Variants in ANO3 observed in about 807,000 individuals in gnomAD.
ANO3 encodes anoctamin 3.
In ANO3, 99 loss-of-function variants were observed where a neutral mutation model predicts 144.8. The ratio of observed to expected loss-of-function variants is 0.68; its 90% CI spans 0.58 to 0.81. The LOEUF is 0.81. Ranked by LOEUF, ANO3 falls within the 30% of genes least tolerant of loss-of-function variation. ANO3 has a pLI of 0.00. For synonymous variants in ANO3, 414 were observed against 392.6 expected (o/e 1.05, Z -0.64); for missense variants, 905 against 1,202.2 (o/e 0.75, Z 3.66).
chr11:26,328,363 A>G (rs1446883196), upstream of ANO3, among the ~76,000 whole-genome samples: 1 of 152,176 alleles, frequency 6.6e-6, no homozygotes, highest in Non-Finnish European at 1.5e-5. Flanking sequence ...ACGGAGAGAA[A>G]CTAGAAGCAG....
At chr11:26,318,675 A>G (rs982246754) in intron 1 of ANO3, among the ~76,000 whole-genome samples, 2 of 152,202 alleles carry the variant, frequency 1.3e-5, no homozygotes, top group African/African-American at 2.4e-5. Flanking sequence ...TGACACATCA[A>G]CTGGTCCTTG....
intron 9 of ANO3, 115 bp downstream of exon 9, chr11:26,534,677 C>A: frequency 1.6e-6 from 1 of 640,682 alleles, no homozygotes; most frequent in Non-Finnish European, 2.7e-6. Flanking sequence ...ATGTGTATAA[C>A]ATATTGAACA....
At chr11:26,295,791 C>G (rs958074094) in intron 1 of ANO3, among the ~76,000 whole-genome samples, 10 of 152,216 alleles carry the variant, frequency 6.6e-5, no homozygotes, top group Non-Finnish European at 1.3e-4. Context: ...GGAAATAAAT[C>G]TAAGAAAACA....
intron 1 of ANO3, among the ~76,000 whole-genome samples, chr11:26,281,922 A>G (rs1277675319): frequency 3.9e-5 from 6 of 152,176 alleles, no homozygotes; most frequent in Admixed American, 3.3e-4. Flanking sequence ...GAAGACATGC[A>G]GTTCGTCTAT....
intron 14 of ANO3, among the ~76,000 whole-genome samples, chr11:26,590,595 C>A (rs1202728994): frequency 1.3e-5 from 2 of 152,158 alleles, no homozygotes; most frequent in African/African-American, 2.4e-5. Flanking sequence ...GTGGTGAGTG[C>A]TATAGCTCTA....
At position 26,525,712 on chromosome 11, in the gene ANO3, A is replaced by G. The variant is rs754228082; in HGVS notation, c.737+33A>G. 12 of 1,570,404 alleles carry G rather than the reference A, an allele frequency of 7.6e-6. No homozygotes were observed. The Admixed American group carries it at 2.0e-4, about 26-fold the overall frequency. On this transcript the variant is annotated intron_variant, in intron 7 of 26. Transcript: ENST00000256737. ...GGTGATGAATCATTTCTTTATAACAAATTTGTCGTTTTGAAAAAAATAAGA... is the reference window on the plus strand; with the variant it reads ...GGTGATGAATCATTTCTTTATAACAGATTTGTCGTTTTGAAAAAAATAAGA...
chr11:26,570,248 G>A (rs1850767329), intron 14 of ANO3, among the ~76,000 whole-genome samples: 1 of 151,960 alleles, frequency 6.6e-6, no homozygotes, highest in Admixed American at 6.6e-5. Context: ...TTTGTTACTG[G>A]CACTGGAAAG....
intron 4 of ANO3, among the ~76,000 whole-genome samples, chr11:26,484,806 G>A (rs756450786): frequency 1.3e-5 from 2 of 151,970 alleles, no homozygotes; most frequent in Non-Finnish European, 2.9e-5. Context: ...TATGCCCAAG[G>A]TCTTGGGAGC....
chr11:26,468,894 T>C (rs972230159), intron 4 of ANO3, among the ~76,000 whole-genome samples: 4 of 151,988 alleles, frequency 2.6e-5, no homozygotes, highest in Admixed American at 2.6e-4. Context: ...CTTTAGTACC[T>C]GAAGTAACCT....
At chr11:26,597,062 C>T (rs1011052322) in intron 14 of ANO3, among the ~76,000 whole-genome samples, 2 of 152,158 alleles carry the variant, frequency 1.3e-5, no homozygotes, top group African/African-American at 4.8e-5. Flanking sequence ...TATTTTCCTC[C>T]AATTCTAAGG....
intron 11 of ANO3, among the ~76,000 whole-genome samples, chr11:26,544,251 C>CACATATATATATATATATATATATATAT (rs1183023481): frequency 6.8e-4 from 26 of 38,434 alleles, no homozygotes; most frequent in East Asian, 1.7e-3. Flanking sequence ...TTTCATTATA[C>CACATATATATATATATATATATATATAT]ATATATATAT....
intron 12 of ANO3, among the ~76,000 whole-genome samples, chr11:26,550,261 A>G (rs117115949): frequency 0.018 from 2,762 of 151,856 alleles, 40 homozygotes; most frequent in Non-Finnish European, 0.029. Flanking sequence ...TTGATTATTA[A>G]TAAATATTTA....
At chr11:26,635,190 C>A in intron 20 of ANO3, 120 bp downstream of exon 20, 1 of 838,352 alleles carries the variant, frequency 1.2e-6, no homozygotes, top group Non-Finnish European at 1.9e-6. Flanking sequence ...GAAGACGACA[C>A]ATTGTTCAGA....
intron 1 of ANO3, among the ~76,000 whole-genome samples, chr11:26,300,670 A>T (rs1333727863): frequency 6.6e-6 from 1 of 152,154 alleles, no homozygotes; most frequent in East Asian, 1.9e-4. Context: ...TCTGTGGAAC[A>T]GGTGTATAGA....
upstream of ANO3, chr11:26,331,334 C>T (rs548379155): frequency 3.3e-5 from 5 of 152,288 alleles, no homozygotes; most frequent in African/African-American, 9.6e-5. Flanking sequence ...ACTTAAAATA[C>T]ATGGTGAAGA....
intron 17 of ANO3, among the ~76,000 whole-genome samples, chr11:26,623,527 G>A (rs773655547): frequency 6.6e-6 from 1 of 152,018 alleles, no homozygotes; most frequent in East Asian, 1.9e-4. Flanking sequence ...ATATAGGAGA[G>A]GGGAAAAGAT....
intron 1 of ANO3, among the ~76,000 whole-genome samples, chr11:26,419,091 C>T (rs1258379900): frequency 1.3e-5 from 2 of 151,350 alleles, no homozygotes; most frequent in Non-Finnish European, 2.9e-5. Flanking sequence ...CTGGGGAAGC[C>T]TCAGGAAACT....
rs1036974142 is a variant in ANO3 at position 26,649,399 on chromosome 11, T to C, written c.2576+1543T>C. Among the ~76,000 whole-genome samples the C allele has an allele frequency of 2.0e-5, 3 of 152,312 alleles. No homozygotes were observed. In the East Asian group the frequency reaches 5.8e-4, roughly 29 times the overall value. On this transcript the variant is annotated intron_variant, in intron 24 of 26. Transcript: ENST00000256737. ...AGACATGCTTATCCTGTATTCTGCT[T>C]TTTAGTAAAAGGCATGTCATTAATC... is the stretch of plus-strand genomic sequence containing the variant.
chr11:26,286,898 C>T (rs1853820349), intron 1 of ANO3, among the ~76,000 whole-genome samples: 1 of 151,848 alleles, frequency 6.6e-6, no homozygotes, highest in Non-Finnish European at 1.5e-5. Flanking sequence ...CTTCTAAAGA[C>T]TCTCTGCTTA....
Sources: allele counts gnomAD v4.1 joint callset (sites outside exome capture counted in the v4.1 genomes callset), GRCh38; gene constraint gnomAD v4.1.1; transcripts MANE v1.5; gene names NCBI Gene and HGNC (gene_info 2026-07-23, HGNC 2026-07-21).